The following MICAL2 variants were observed in gnomAD, a reference collection of about 807,000 sequenced individuals.
The protein encoded by MICAL2 is microtubule associated monooxygenase, calponin and LIM domain containing 2.
A neutral mutation model predicts 127.3 loss-of-function variants in MICAL2; 77 were observed. The observed-to-expected ratio is 0.60, with a 90% CI of 0.50 to 0.73. The LOEUF (loss-of-function observed/expected upper bound fraction) is 0.73, where lower values mean the gene tolerates loss of function less well. Among genes scored for constraint, MICAL2 ranks in the 30% least tolerant of loss-of-function variants. MICAL2 has a pLI of 0.00. For synonymous variants in MICAL2, 570 were observed against 551.1 expected (o/e 1.03, Z -0.48); for missense variants, 1,351 against 1,434.4 (o/e 0.94, Z 0.94).
intron 15 of MICAL2, among the ~76,000 whole-genome samples, chr11:12,234,531 T>G (rs1858755081): frequency 6.6e-6 from 1 of 152,192 alleles, no homozygotes; most frequent in Non-Finnish European, 1.5e-5. Context: ...ATCTTTTCCA[T>G]TCACAGAATA....
chr11:12,344,264 C>T (rs1310995477), intron 32 of MICAL2, among the ~76,000 whole-genome samples: 1 of 151,986 alleles, frequency 6.6e-6, no homozygotes, highest in Non-Finnish European at 1.5e-5. Flanking sequence ...CTACTGCACT[C>T]CAGCCTGGGT....
At chr11:12,354,374 A>G (rs971594311) in intron 33 of MICAL2, among the ~76,000 whole-genome samples, 4 of 152,116 alleles carry the variant, frequency 2.6e-5, no homozygotes, top group African/African-American at 9.7e-5. Context: ...CAGGAGGCTG[A>G]GGCAGGAAAA....
intron 33 of MICAL2, among the ~76,000 whole-genome samples, chr11:12,353,585 A>G (rs769731419): frequency 6.6e-6 from 1 of 152,174 alleles, no homozygotes; most frequent in Non-Finnish European, 1.5e-5. Flanking sequence ...GGGAGCCTCC[A>G]CATTACCACA....
chr11:12,189,508 A>C (rs1858790884), intron 3 of MICAL2, among the ~76,000 whole-genome samples: 1 of 152,210 alleles, frequency 6.6e-6, no homozygotes, highest in South Asian at 2.1e-4. Context: ...ACAGGGAGCT[A>C]GGGTAGCAGT....
intron 2 of MICAL2, among the ~76,000 whole-genome samples, chr11:12,147,186 G>A (rs549733871): frequency 1.3e-4 from 19 of 151,744 alleles, no homozygotes; most frequent in Admixed American, 3.3e-4. Flanking sequence ...TTGTGCACAT[G>A]TACCCTAGCA....
intron 32 of MICAL2, among the ~76,000 whole-genome samples, chr11:12,332,739 C>T (rs1232206633): frequency 6.6e-6 from 1 of 152,166 alleles, no homozygotes; most frequent in African/African-American, 2.4e-5. Context: ...AAGGACTCAG[C>T]AGCTTTTATA....
intron 32 of MICAL2, among the ~76,000 whole-genome samples, chr11:12,338,589 G>A (rs988555174): frequency 1.1e-4 from 17 of 152,164 alleles, no homozygotes; most frequent in African/African-American, 4.1e-4. Flanking sequence ...GCAGTGGCTG[G>A]TACCAGTTGT....
At chr11:12,275,931 C>T, upstream of MICAL2, 1 of 399,026 alleles carries the variant, frequency 2.5e-6, no homozygotes, top group South Asian at 1.3e-4. Context: ...CTGGAAGGGT[C>T]CTGCTAGGCC....
intron 2 of MICAL2, among the ~76,000 whole-genome samples, chr11:12,146,404 T>C (rs1293156152): frequency 6.6e-6 from 1 of 152,174 alleles, no homozygotes; most frequent in Non-Finnish European, 1.5e-5. Context: ...GGGCGAAGGA[T>C]ATGAACAGAC....
intron 32 of MICAL2, among the ~76,000 whole-genome samples, chr11:12,337,180 C>A (rs573163322): frequency 6.6e-6 from 1 of 151,920 alleles, no homozygotes; most frequent in Non-Finnish European, 1.5e-5. Flanking sequence ...GTTTAGTCTT[C>A]GGAGGGTGTA....
At chr11:12,219,730 T>A (rs558395054) in intron 8 of MICAL2, among the ~76,000 whole-genome samples, 2 of 152,274 alleles carry the variant, frequency 1.3e-5, no homozygotes, top group South Asian at 2.1e-4. Context: ...GGCTCCTTTG[T>A]CTCTTAATTG....
chr11:12,342,441 C>A (rs1190838134), intron 32 of MICAL2, among the ~76,000 whole-genome samples: 5 of 152,192 alleles, frequency 3.3e-5, no homozygotes, highest in African/African-American at 7.2e-5. Flanking sequence ...TTGTTAACTT[C>A]ATTTTAAGTT....
At chr11:12,350,070 AT>A in intron 33 of MICAL2, 1 of 639,052 alleles carries the variant, frequency 1.6e-6, no homozygotes. Context: ...GCAAATTGAT[AT>A]TTTATGTCTT....
At chr11:12,345,135 G>T (rs1027127272) in intron 32 of MICAL2, among the ~76,000 whole-genome samples, 18 of 147,984 alleles carry the variant, frequency 1.2e-4, no homozygotes, top group Admixed American at 4.0e-4. Context: ...AAAGAAAAAA[G>T]AAAGAAAGAA....
At chr11:12,342,913 T>A (rs1426306816) in intron 32 of MICAL2, among the ~76,000 whole-genome samples, 1 of 152,128 alleles carries the variant, frequency 6.6e-6, no homozygotes, top group East Asian at 1.9e-4. Context: ...CAGGAAGGAA[T>A]CTTACCGGGA....
intron 1 of MICAL2, among the ~76,000 whole-genome samples, chr11:12,131,354 G>A (rs1851402127): frequency 6.6e-6 from 1 of 151,558 alleles, no homozygotes; most frequent in African/African-American, 2.4e-5. Flanking sequence ...CAAGGTAATG[G>A]CTCAGGCTGC....
chr11:12,299,763 CT>C (rs1313241985), intron 29 of MICAL2, among the ~76,000 whole-genome samples: 1 of 152,308 alleles, frequency 6.6e-6, no homozygotes, highest in Non-Finnish European at 1.5e-5. Context: ...GTAATCGCCC[CT>C]GAGATCAAGC....
In MICAL2 at chr11:12,222,848, G is replaced by C; in HGVS notation, c.1449+105G>C. The C allele has an allele frequency of 2.8e-6, 4 of 1,408,682 alleles. No individual in the cohort carries two copies. The Admixed American group carries it at 6.5e-5, about 23-fold the overall frequency. The allele number at this position is 1,408,682 out of a possible 1,614,324, so 87.3% of individuals were successfully genotyped here. A position where few individuals can be genotyped will look rare whatever the true frequency, so the allele number is the denominator to read the frequency against. On this transcript the variant is annotated intron_variant, in intron 11 of 27. Coordinates refer to ENST00000683283, the MANE Select transcript of MICAL2 (RefSeq NM_001282663.2). ...AATTTTGGTCCATTCCTGGGACTAA[G>C]GCCACCAAGGCCTGCTGGCCTAATG...
chr11:12,269,649 T>C (rs1300335445), intron 24 of MICAL2, among the ~76,000 whole-genome samples: 1 of 152,158 alleles, frequency 6.6e-6, no homozygotes, highest in Non-Finnish European at 1.5e-5. Context: ...GAGGAGCTGC[T>C]CAGCTCTGCT....
Sources: gnomAD v4.1 joint callset for allele counts (sites outside exome capture counted in the v4.1 genomes callset) on GRCh38, gnomAD v4.1.1 for gene constraint, MANE v1.5 for transcripts, NCBI Gene and HGNC (gene_info 2026-07-23, HGNC 2026-07-21) for gene names.